Variants in SYNCRIP observed in about 807,000 individuals in gnomAD.
The protein encoded by SYNCRIP is synaptotagmin binding cytoplasmic RNA interacting protein, also known as heterogeneous nuclear ribonucleoprotein Q.
A neutral mutation model predicts 68.9 loss-of-function variants in SYNCRIP; 9 were observed. The observed-to-expected ratio is 0.13, with a 90% CI of 0.08 to 0.23. SYNCRIP has a LOEUF of 0.23. Ranked by LOEUF, SYNCRIP falls within the 10% of genes least tolerant of loss-of-function variation. The pLI, the probability that SYNCRIP is intolerant of heterozygous loss-of-function variation, is 1.00. For synonymous variants in SYNCRIP, 258 were observed against 254.0 expected (o/e 1.02, Z -0.15); for missense variants, 414 against 770.6 (o/e 0.54, Z 5.48).
chr6:85,639,304 G>C (rs1462376248), intron 4 of SYNCRIP, among the ~76,000 whole-genome samples: 1 of 152,170 alleles, frequency 6.6e-6, no homozygotes, highest in African/African-American at 2.4e-5. Context: ...AAAAACTTTA[G>C]TTCTAGCTCA....
chr6:85,640,686 T>TTA, intron 2 of SYNCRIP, 122 bp from the exon 3 acceptor site: 1 of 518,382 alleles, frequency 1.9e-6, no homozygotes, highest in Non-Finnish European at 3.2e-6. Flanking sequence ...CATCTATACC[T>TTA]GAAAAAAAAA....
rs1465354474 is a variant in SYNCRIP, at chr6:85,622,673, C to T, written c.817G>A (p.Val273Ile). The change falls in exon 8 of 11, where the codon GTC (valine) becomes ATC (isoleucine). Residue 273 changes from valine (V) to isoleucine (I), a missense_variant. By Grantham distance (29) the Val-to-Ile change is conservative. This residue lies in a region of SYNCRIP where 110 missense variants were observed against 269.3 expected (regional missense o/e 0.41). Coordinates refer to ENST00000369622, the MANE Select transcript of SYNCRIP (RefSeq NM_006372.5). Reference protein sequence around the residue: ...FSKVTEGLTDVILYHQPDDKK... With the variant: ...FSKVTEGLTDIILYHQPDDKK... ...TCATCCGGTTGGTGGTATAAAATGA[C>T]GTCTGTAAGACCCTCTGCAAGTAAG... The T allele has an allele frequency of 2.5e-6, 4 of 1,614,126 alleles. No individual in the cohort carries two copies. The highest frequency in any genetic ancestry group is 3.4e-6 in the Non-Finnish European group (4 of 1,179,996).
At chr6:85,628,160 A>G (rs1443610244) in intron 6 of SYNCRIP, among the ~76,000 whole-genome samples, 2 of 152,012 alleles carry the variant, frequency 1.3e-5, no homozygotes, top group Admixed American at 6.6e-5. Context: ...GTTTCAAGTG[A>G]TTCTCCTGCC....
At chr6:85,633,098 C>CA in intron 6 of SYNCRIP, among the ~76,000 whole-genome samples, 1 of 150,362 alleles carries the variant, frequency 6.7e-6, no homozygotes, top group Non-Finnish European at 1.5e-5. Context: ...TAAAAAAATA[C>CA]AAAAAAAATT....
chr6:85,628,323 T>C (rs1016619575), intron 6 of SYNCRIP, among the ~76,000 whole-genome samples: 2 of 152,244 alleles, frequency 1.3e-5, no homozygotes, highest in Non-Finnish European at 2.9e-5. Context: ...CCCAAAATGC[T>C]GGGATCACAG....
Position 85,632,448 on chromosome 6 carries a change from C to A in SYNCRIP, c.666+4519G>T, listed in dbSNP as rs902515774. Among the ~76,000 whole-genome samples, 6 of 152,264 alleles carry A rather than the reference C, an allele frequency of 3.9e-5. No homozygotes were observed. The South Asian group carries it at 8.3e-4, about 21-fold the overall frequency. On this transcript the variant is annotated intron_variant, in intron 6 of 10. Coordinates refer to ENST00000369622, the MANE Select transcript of SYNCRIP (RefSeq NM_006372.5). The stretch of plus-strand genomic sequence containing the variant: ...CAGTAGAGATAGCTTCCAAAGTATG[C>A]GCCCTTGAGGAACATACTTAGGAAA...
chr6:85,640,698 AAC>A (rs1554189866), intron 2 of SYNCRIP, 134 bp from the exon 3 acceptor site: 4 of 553,302 alleles, frequency 7.2e-6, no homozygotes, highest in East Asian at 2.9e-5. Flanking sequence ...AAAAAAAAAA[AAC>A]ACACACTTCA....
intron 6 of SYNCRIP, among the ~76,000 whole-genome samples, chr6:85,635,863 T>C (rs1272833109): frequency 6.8e-6 from 1 of 147,682 alleles, no homozygotes. Flanking sequence ...AACCTCATGG[T>C]AAAGGAAGGG....
At chr6:85,631,581 C>T (rs1234607489) in intron 6 of SYNCRIP, among the ~76,000 whole-genome samples, 1 of 152,146 alleles carries the variant, frequency 6.6e-6, no homozygotes, top group Non-Finnish European at 1.5e-5. Context: ...GTACCTTAGA[C>T]TAACTAGGGT....
chr6:85,614,629 A>G lies in SYNCRIP; in HGVS notation c.*127T>C, dbSNP rs1805553032. ...TGTGGCTTTGTTCGTGTCCAAGCGG[A>G]TTGTTAAAATATATACATAAAGGGA... On this transcript the variant is annotated 3_prime_UTR_variant, in exon 11 of 11. Transcript: ENST00000369622. The G allele has an allele frequency of 2.1e-5, 28 of 1,346,602 alleles. No individual in the cohort carries two copies. The highest frequency in any genetic ancestry group is 3.6e-5 in the Admixed American group (1 of 27,872). The allele number at this position is 1,346,602 out of a possible 1,614,324, so 83.4% of individuals were successfully genotyped here. A position where few individuals can be genotyped will look rare whatever the true frequency, so the allele number is the denominator to read the frequency against.
chr6:85,635,910 G>C (rs919981119), intron 6 of SYNCRIP, among the ~76,000 whole-genome samples: 75 of 151,778 alleles, frequency 4.9e-4, no homozygotes, highest in African/African-American at 1.6e-3. Context: ...AAATGAGTCT[G>C]AAGATTTTAA....
chr6:85,636,608 A>T (rs1203144951), intron 6 of SYNCRIP, among the ~76,000 whole-genome samples: 2 of 152,228 alleles, frequency 1.3e-5, no homozygotes, highest in East Asian at 3.8e-4. Flanking sequence ...TGAATTATTT[A>T]AGAAAAAGAG....
At chr6:85,640,073 T>C in intron 4 of SYNCRIP, 148 bp downstream of exon 4, 1 of 616,490 alleles carries the variant, frequency 1.6e-6, no homozygotes, top group Non-Finnish European at 2.8e-6. Context: ...AACAAATAGT[T>C]TAAAAAAACT....
At chr6:85,634,237 C>CTCGA (rs199797874) in intron 6 of SYNCRIP, among the ~76,000 whole-genome samples, 1,863 of 152,308 alleles carry the variant, frequency 0.012, 39 homozygotes, top group African/African-American at 0.042. Flanking sequence ...TCTACTGGCA[C>CTCGA]TCGAAATCAC....
At chr6:85,619,486 C>T (rs1008765149) in intron 8 of SYNCRIP, 69 bp from the exon 9 acceptor site, 2 of 1,408,046 alleles carry the variant, frequency 1.4e-6, no homozygotes, top group African/African-American at 2.9e-5. Context: ...CACCACCCCA[C>T]CCTACAAAGT....
At chr6:85,612,431 G>A (rs1805317406), downstream of SYNCRIP, 1 of 152,772 alleles carries the variant, frequency 6.5e-6, no homozygotes, top group African/African-American at 2.4e-5. Flanking sequence ...TTGGTGAGCA[G>A]AAATAAAATT....
At chr6:85,633,806 ATC>A (rs1211570052) in intron 6 of SYNCRIP, among the ~76,000 whole-genome samples, 3 of 151,998 alleles carry the variant, frequency 2.0e-5, no homozygotes, top group Non-Finnish European at 2.9e-5. Context: ...TGCCTGGCTA[ATC>A]TGTTACTTTT....
downstream of SYNCRIP, among the ~76,000 whole-genome samples, chr6:85,613,280 T>C (rs925291028): frequency 5.9e-5 from 9 of 152,076 alleles, no homozygotes; most frequent in Admixed American, 2.0e-4. Flanking sequence ...TTTTGAGACA[T>C]GAAGTAATCA....
intron 6 of SYNCRIP, among the ~76,000 whole-genome samples, chr6:85,627,338 A>G (rs1372024127): frequency 2.6e-5 from 4 of 152,140 alleles, no homozygotes; most frequent in Admixed American, 6.5e-5. Context: ...TGGCTCTCCA[A>G]TGAAAATAAG....
Sources: allele counts gnomAD v4.1 joint callset (sites outside exome capture counted in the v4.1 genomes callset), GRCh38; gene constraint gnomAD v4.1.1; regional missense constraint gnomAD v4.1.1; transcripts MANE v1.5; gene names NCBI Gene and HGNC (gene_info 2026-07-23, HGNC 2026-07-21).